DGKB: variants seen among roughly 807,000 people sequenced by gnomAD.
DGKB encodes the protein 90 kDa diacylglycerol kinase.
Under a neutral mutation model 114.3 loss-of-function variants are expected in DGKB, and 67 were observed. That is an observed-to-expected ratio of 0.59 (90% CI 0.48 to 0.72). DGKB has a LOEUF of 0.72. DGKB is among the 30% of genes least tolerant of loss of function. DGKB has a pLI of 0.00. For synonymous variants in DGKB, 398 were observed against 323.1 expected (o/e 1.23, Z -2.49); for missense variants, 907 against 975.2 (o/e 0.93, Z 0.93).
intron 21 of DGKB, among the ~76,000 whole-genome samples, chr7:14,362,393 C>A (rs1192056508): frequency 6.6e-6 from 1 of 152,000 alleles, no homozygotes; most frequent in Non-Finnish European, 1.5e-5. Context: ...AAAGGGAAGA[C>A]CACAGAAAAT....
At chr7:14,266,780 TTAAC>T (rs1290975651) in intron 23 of DGKB, among the ~76,000 whole-genome samples, 4 of 152,186 alleles carry the variant, frequency 2.6e-5, no homozygotes, top group Admixed American at 6.5e-5. Flanking sequence ...ATACAATTGT[TTAAC>T]TAAATAGACA....
At chr7:14,423,975 T>C (rs1563154766) in intron 21 of DGKB, among the ~76,000 whole-genome samples, 1 of 152,090 alleles carries the variant, frequency 6.6e-6, no homozygotes, top group Non-Finnish European at 1.5e-5. Flanking sequence ...TCAAAATATA[T>C]CCAGAATGCA....
chr7:14,654,959 T>G (rs994135095), intron 13 of DGKB, among the ~76,000 whole-genome samples: 1 of 151,862 alleles, frequency 6.6e-6, no homozygotes, highest in Non-Finnish European at 1.5e-5. Flanking sequence ...TCTTTGGGAC[T>G]CTGGTCTGAG....
intron 20 of DGKB, among the ~76,000 whole-genome samples, chr7:14,559,790 T>G (rs560825525): frequency 2.0e-5 from 3 of 152,348 alleles, no homozygotes; most frequent in Non-Finnish European, 4.4e-5. Context: ...TTAGTGAAAC[T>G]CCAGGATGTC....
At chr7:14,231,168 G>A (rs1030144591) in intron 23 of DGKB, among the ~76,000 whole-genome samples, 7 of 123,800 alleles carry the variant, frequency 5.7e-5, no homozygotes, top group African/African-American at 1.8e-4. Context: ...TCTTGGTAAG[G>A]TCTCACTGTG....
chr7:14,733,992 C>T (rs1178162245), intron 5 of DGKB, among the ~76,000 whole-genome samples: 2 of 150,872 alleles, frequency 1.3e-5, no homozygotes, highest in Non-Finnish European at 2.9e-5. Flanking sequence ...TCAGAATGTC[C>T]ATTATTGAAC....
intron 1 of DGKB, among the ~76,000 whole-genome samples, chr7:14,851,483 TTCTCA>T (rs1849343713): frequency 6.6e-6 from 1 of 152,148 alleles, no homozygotes; most frequent in Non-Finnish European, 1.5e-5. Flanking sequence ...GGATAGAATC[TTCTCA>T]ATATGAAATA....
intron 12 of DGKB, among the ~76,000 whole-genome samples, chr7:14,680,090 G>C (rs1308742966): frequency 6.6e-6 from 1 of 151,808 alleles, no homozygotes; most frequent in African/African-American, 2.4e-5. Flanking sequence ...GCTGAGGATG[G>C]ATAAAAGTCT....
In DGKB at chr7:14,729,297, T is replaced by C. The variant is rs1049408501; in HGVS notation, c.322+6744A>G. On this transcript the variant is annotated intron_variant, in intron 5 of 25. Coordinates refer to ENST00000402815, the MANE Select transcript of DGKB (RefSeq NM_001350709.2). ...GCCACCACATCCGGCTAATTTTTTG[T>C]ATTTTTAGTAGAGACCAGGTTTCAC... Among the ~76,000 whole-genome samples the C allele has an allele frequency of 7.7e-5, 10 of 130,308 alleles. 1 individual carries two copies. Among genetic ancestry groups the C allele is most frequent in the Non-Finnish European group, 1.8e-4 (10 of 55,270 alleles). The allele number at this position is 130,308 out of a possible 152,430, so 85.5% of individuals were successfully genotyped here.
intron 14 of DGKB, among the ~76,000 whole-genome samples, chr7:14,629,514 C>T (rs963745496): frequency 6.6e-6 from 1 of 151,928 alleles, no homozygotes; most frequent in African/African-American, 2.4e-5. Flanking sequence ...ATAAGCAATA[C>T]TTTCTAAAAT....
At chr7:14,234,381 GGTTCTT>G (rs1792430250) in intron 23 of DGKB, among the ~76,000 whole-genome samples, 1 of 151,888 alleles carries the variant, frequency 6.6e-6, no homozygotes, top group African/African-American at 2.4e-5. Flanking sequence ...GTATATTTAT[GGTTCTT>G]AAACTACTTG....
intron 5 of DGKB, among the ~76,000 whole-genome samples, chr7:14,733,243 A>G (rs1353439517): frequency 6.6e-6 from 1 of 152,242 alleles, no homozygotes; most frequent in Admixed American, 6.5e-5. Flanking sequence ...TTATTTAAGA[A>G]TCTAAAAATA....
At chr7:14,396,729 C>G (rs942618400) in intron 21 of DGKB, among the ~76,000 whole-genome samples, 53 of 152,218 alleles carry the variant, frequency 3.5e-4, no homozygotes, top group African/African-American at 1.3e-3. Context: ...ACATTTCACA[C>G]CAGGGTGACA....
At chr7:14,747,888 A>G (rs564071695) in intron 4 of DGKB, among the ~76,000 whole-genome samples, 6 of 152,300 alleles carry the variant, frequency 3.9e-5, no homozygotes, top group African/African-American at 1.4e-4. Context: ...GAGAATTTGT[A>G]AAGAAGACTG....
intron 13 of DGKB, among the ~76,000 whole-genome samples, chr7:14,657,475 G>A (rs1816088858): frequency 6.6e-6 from 1 of 151,812 alleles, no homozygotes; most frequent in African/African-American, 2.4e-5. Flanking sequence ...TTTATTGAGA[G>A]CTGACAATAT....
chr7:14,294,599 C>T (rs541220366), intron 23 of DGKB, among the ~76,000 whole-genome samples: 1 of 152,296 alleles, frequency 6.6e-6, no homozygotes, highest in East Asian at 1.9e-4. Flanking sequence ...GTTTATAGGG[C>T]TAATAAAAAT....
intron 23 of DGKB, among the ~76,000 whole-genome samples, chr7:14,206,164 G>C (rs747838534): frequency 3.3e-5 from 5 of 152,008 alleles, no homozygotes; most frequent in African/African-American, 4.8e-5. Flanking sequence ...AAGAAAGACT[G>C]TAAAGAGATG....
intron 21 of DGKB, among the ~76,000 whole-genome samples, chr7:14,357,616 T>C (rs1439122662): frequency 6.6e-6 from 1 of 152,230 alleles, no homozygotes; most frequent in Non-Finnish European, 1.5e-5. Context: ...AATATTGTTA[T>C]GTGTGAATTT....
intron 23 of DGKB, among the ~76,000 whole-genome samples, chr7:14,272,850 T>G (rs1798463877): frequency 6.6e-6 from 1 of 152,332 alleles, no homozygotes; most frequent in Middle Eastern, 3.4e-3. Context: ...GCAAATTCTT[T>G]CTGAATAATG....
Sources: gnomAD v4.1 joint callset for allele counts (sites outside exome capture counted in the v4.1 genomes callset) on GRCh38, gnomAD v4.1.1 for gene constraint, MANE v1.5 for transcripts, NCBI Gene and HGNC (gene_info 2026-07-23, HGNC 2026-07-21) for gene names.